The following FNDC3A variants were observed in gnomAD, a reference collection of about 807,000 sequenced individuals.
The protein encoded by FNDC3A is fibronectin type-III domain-containing protein 3A.
In FNDC3A, 32 loss-of-function variants were observed where a neutral mutation model predicts 148.9. The ratio of observed to expected loss-of-function variants is 0.21; its 90% CI spans 0.16 to 0.29. FNDC3A has a LOEUF of 0.29. Among genes scored for constraint, FNDC3A ranks in the 10% least tolerant of loss-of-function variants. The pLI, the probability that FNDC3A is intolerant of heterozygous loss-of-function variation, is 1.00. For synonymous variants in FNDC3A, 472 were observed against 473.6 expected, an observed-to-expected ratio of 1.00 and a Z score of 0.04; for missense variants, 1,191 against 1,452.8, an observed-to-expected ratio of 0.82 and a Z score of 2.93.
chr13:48,980,185 T>G (rs969278750), intron 1 of FNDC3A, among the ~76,000 whole-genome samples: 1 of 152,130 alleles, frequency 6.6e-6, no homozygotes, highest in South Asian at 2.1e-4. Context: ...AGCCTTTGAG[T>G]CAGGCCTTAC....
chr13:48,981,925 A>G (rs1192635281), intron 1 of FNDC3A, among the ~76,000 whole-genome samples: 1 of 152,106 alleles, frequency 6.6e-6, no homozygotes, highest in Non-Finnish European at 1.5e-5. Context: ...ATTTCGCTTC[A>G]CTACTTCTTC....
chr13:49,009,432 C>T (rs1227946009), intron 2 of FNDC3A, among the ~76,000 whole-genome samples: 2 of 152,138 alleles, frequency 1.3e-5, no homozygotes, highest in African/African-American at 4.8e-5. Context: ...CATTCATGTG[C>T]AGATTTTTGA....
At chr13:49,162,512 T>G (rs1232927004) in intron 8 of FNDC3A, among the ~76,000 whole-genome samples, 1 of 152,200 alleles carries the variant, frequency 6.6e-6, no homozygotes, top group African/African-American at 2.4e-5. Flanking sequence ...ATTCGTCTAA[T>G]CTTTTTTCAA....
At chr13:48,987,865 C>G (rs1298145478) in intron 1 of FNDC3A, 1 of 152,110 alleles carries the variant, frequency 6.6e-6, no homozygotes, top group East Asian at 1.9e-4. Context: ...AATGTTATGG[C>G]ACTTAAACAA....
chr13:49,196,884 C>T lies in FNDC3A; in HGVS notation c.2234C>T (p.Pro745Leu). 1 of 1,596,222 alleles carries T rather than the reference C, an allele frequency of 6.3e-7. No homozygotes were observed. Residue 745 changes from proline (P) to leucine (L), a missense_variant, in exon 20 of 26, where the codon CCA (proline) becomes CTA (leucine). Physicochemically the swap from Pro to Leu is moderately conservative, Grantham distance 98. Around this residue, in one of 3 missense-constraint regions of FNDC3A, gnomAD observed 751 missense variants for 944.0 expected, o/e 0.80. Coordinates refer to ENST00000492622, the MANE Select transcript of FNDC3A (RefSeq NM_001079673.2). Reference protein sequence around the residue: ...LRAANKMGFGPFSEKCDITTA... With the variant: ...LRAANKMGFGLFSEKCDITTA... Reference sequence around the variant, plus strand: ...TTACATTTGTTTTTCTAGTTTGGACCATTTTCAGAAAAATGTGATATTACT... The same window carrying T: ...TTACATTTGTTTTTCTAGTTTGGACTATTTTCAGAAAAATGTGATATTACT...
intron 2 of FNDC3A, among the ~76,000 whole-genome samples, chr13:49,027,046 A>G (rs528584178): frequency 2.0e-3 from 302 of 152,262 alleles, no homozygotes; most frequent in Non-Finnish European, 3.8e-3. Context: ...AATGAGTATG[A>G]TGAAATTTTG....
chr13:49,052,795 C>T (rs1463266989), intron 2 of FNDC3A, among the ~76,000 whole-genome samples: 2 of 152,100 alleles, frequency 1.3e-5, no homozygotes, highest in Non-Finnish European at 2.9e-5. Context: ...GAGATTACGA[C>T]CATTGTCTTC....
chr13:49,072,719 A>G (rs1877780560), intron 2 of FNDC3A, among the ~76,000 whole-genome samples: 1 of 152,128 alleles, frequency 6.6e-6, no homozygotes, highest in African/African-American at 2.4e-5. Flanking sequence ...CCTGGGTTCA[A>G]GCAATCCTCC....
chr13:49,203,770 T>TA (rs1886522963), intron 25 of FNDC3A, among the ~76,000 whole-genome samples: 2 of 152,094 alleles, frequency 1.3e-5, no homozygotes, highest in South Asian at 2.1e-4. Flanking sequence ...TCCAAGAAGA[T>TA]ACGCTGAGGC....
intron 4 of FNDC3A, among the ~76,000 whole-genome samples, chr13:49,125,486 A>G (rs1881636854): frequency 6.6e-6 from 1 of 152,180 alleles, no homozygotes; most frequent in South Asian, 2.1e-4. Context: ...TAAAGTTGGA[A>G]TAGTTCTGGG....
At chr13:49,075,881 G>A (rs1001532435) in intron 3 of FNDC3A, among the ~76,000 whole-genome samples, 1 of 130,870 alleles carries the variant, frequency 7.6e-6, no homozygotes, top group Non-Finnish European at 1.5e-5. Context: ...CCTTTAACAG[G>A]TTTTTTGGAA....
chr13:49,006,327 A>C, intron 2 of FNDC3A, 38 bp downstream of exon 2: 1 of 1,213,998 alleles, frequency 8.2e-7, no homozygotes, highest in South Asian at 1.3e-5. Context: ...TATGTCTAAT[A>C]CACATGTATT....
intron 3 of FNDC3A, among the ~76,000 whole-genome samples, chr13:49,106,773 C>CAAAAAA (rs543962565): frequency 9.4e-4 from 75 of 79,858 alleles, no homozygotes; most frequent in African/African-American, 1.2e-3. Context: ...TGAATGAAAG[C>CAAAAAA]AAAAAAAAAA....
intron 1 of FNDC3A, among the ~76,000 whole-genome samples, chr13:48,998,905 T>C (rs1324884969): frequency 1.3e-5 from 2 of 151,922 alleles, no homozygotes; most frequent in Non-Finnish European, 2.9e-5. Flanking sequence ...TTAAAGGAAA[T>C]AGAGAACATG....
intron 2 of FNDC3A, among the ~76,000 whole-genome samples, chr13:49,029,369 A>G (rs919024358): frequency 5.3e-5 from 8 of 152,240 alleles, no homozygotes; most frequent in African/African-American, 9.6e-5. Context: ...ATACTTTGGT[A>G]TGAACGAAAA....
At chr13:49,091,027 C>G (rs990342791) in intron 3 of FNDC3A, among the ~76,000 whole-genome samples, 7 of 152,012 alleles carry the variant, frequency 4.6e-5, no homozygotes, top group African/African-American at 1.7e-4. Flanking sequence ...TGAAAATGAC[C>G]ATACATGCTC....
chr13:49,092,694 T>C (rs1879264481), intron 3 of FNDC3A, among the ~76,000 whole-genome samples: 1 of 152,098 alleles, frequency 6.6e-6, no homozygotes, highest in Non-Finnish European at 1.5e-5. Flanking sequence ...TTCTGAATCT[T>C]TCCAGCCCTT....
At chr13:49,009,293 G>A (rs1023618148) in intron 2 of FNDC3A, among the ~76,000 whole-genome samples, 1 of 152,082 alleles carries the variant, frequency 6.6e-6, no homozygotes, top group African/African-American at 2.4e-5. Context: ...CGGCTTAATA[G>A]CTCATTTCTT....
chr13:49,015,560 C>T (rs949881368), intron 2 of FNDC3A, among the ~76,000 whole-genome samples: 1 of 152,226 alleles, frequency 6.6e-6, no homozygotes, highest in Admixed American at 6.5e-5. Flanking sequence ...GACAATTTGA[C>T]TTCCTCTTTT....
Sources: gnomAD v4.1 joint callset for allele counts (sites outside exome capture counted in the v4.1 genomes callset) on GRCh38, gnomAD v4.1.1 for gene constraint, gnomAD v4.1.1 regional missense constraint, MANE v1.5 for transcripts, NCBI Gene and HGNC (gene_info 2026-07-23, HGNC 2026-07-21) for gene names.